Variants in NBPF14 observed in about 807,000 individuals in gnomAD.
NBPF14 encodes NBPF family member NBPF14.
Under a neutral mutation model 91.2 loss-of-function variants are expected in NBPF14, and 104 were observed. That is an observed-to-expected ratio of 1.14 (90% CI 0.97 to 1.34). NBPF14 has a LOEUF of 1.34. Ranked by LOEUF, NBPF14 falls within the 40% of genes most tolerant of loss-of-function variation. The pLI, the probability that NBPF14 is intolerant of heterozygous loss-of-function variation, is 0.00. For synonymous variants in NBPF14, 294 were observed against 303.8 expected (o/e 0.97, Z 0.34); for missense variants, 908 against 783.0 (o/e 1.16, Z -1.91).
chr1:148,585,953 T>C (rs1216748465), intron 9 of NBPF14, among the ~76,000 whole-genome samples: 2 of 150,968 alleles, frequency 1.3e-5, no homozygotes, highest in Non-Finnish European at 3.0e-5. Flanking sequence ...CTGAGCTCTT[T>C]TCACTCTAAC....
intron 13 of NBPF14, among the ~76,000 whole-genome samples, chr1:148,578,840 A>G (rs1660479246): frequency 6.7e-6 from 1 of 149,810 alleles, no homozygotes; most frequent in Admixed American, 6.6e-5. Context: ...CGTGACAGTC[A>G]GTCCAGGTTG....
intron 39 of NBPF14, 59 bp from the exon 40 acceptor site, chr1:148,557,601 G>C (rs1265986307): frequency 5.0e-6 from 3 of 597,046 alleles, no homozygotes; most frequent in South Asian, 1.8e-5. Context: ...ACCCATAACA[G>C]TCCACTGTCT....
intron 34 of NBPF14, among the ~76,000 whole-genome samples, chr1:148,561,912 G>T (rs1657875355): frequency 7.9e-6 from 1 of 127,044 alleles, no homozygotes; most frequent in Non-Finnish European, 1.5e-5. Flanking sequence ...CTGAGTTAGT[G>T]CCCTCAGGAC....
Position 148,572,430 on chromosome 1 carries a change from G to C in NBPF14, c.2758+13C>G. On this transcript the variant is annotated intron_variant, in intron 21 of 70. Coordinates refer to ENST00000619423, the Ensembl canonical transcript of NBPF14. ...CAGGTGGAGGCTTATCACCTTCACA[G>C]TAAGGTACTCACTGTCCACGTCAAG... is the stretch of plus-strand genomic sequence containing the variant. 1 of 475,984 alleles carries C rather than the reference G, an allele frequency of 2.1e-6. No individual in the cohort carries two copies. Among genetic ancestry groups the C allele is most frequent in the Non-Finnish European group, 3.6e-6 (1 of 281,594 alleles). 29.5% of individuals were successfully genotyped at this position (475,984 alleles called of 1,614,324 possible).
At chr1:148,559,612 C>A (rs1358682329) in intron 37 of NBPF14, among the ~76,000 whole-genome samples, 181 bp downstream of exon 37, 4 of 124,842 alleles carry the variant, frequency 3.2e-5, no homozygotes, top group Non-Finnish European at 6.2e-5. Flanking sequence ...GCCTTGCTCA[C>A]TGACCCATCC....
At chr1:148,568,804 T>C (rs1328616665) in intron 25 of NBPF14, among the ~76,000 whole-genome samples, 24 of 122,730 alleles carry the variant, frequency 2.0e-4, no homozygotes, top group African/African-American at 6.7e-4. Context: ...ATGCCATATT[T>C]TTCCAATCGA....
chr1:148,534,491 G>A lies in NBPF14; in HGVS notation c.8614+193C>T, dbSNP rs1654589772. On this transcript the variant is annotated intron_variant, in intron 69 of 70. Transcript: ENST00000619423. ...GGTATGGCCTGAGACTAGGAAGAGA[G>A]TCTTGCTCACTGACCCATTTCATGT... Among the ~76,000 whole-genome samples the A allele has an allele frequency of 3.3e-5, 5 of 151,792 alleles. 1 individual carries two copies. Among genetic ancestry groups the A allele is most frequent in the Admixed American group, 2.6e-4 (4 of 15,114 alleles).
At position 148,579,073 on chromosome 1, in the gene NBPF14, C is replaced by A; in HGVS notation, c.1801+1G>T. 1.9e-6 allele frequency: 1 copy of A among 531,206 alleles called. No individual in the cohort carries two copies. The highest frequency in any genetic ancestry group is 3.3e-6 in the Non-Finnish European group (1 of 303,992). 32.9% of individuals were successfully genotyped at this position (531,206 alleles called of 1,614,324 possible). On this transcript the variant is annotated splice_donor_variant, in intron 13 of 70. Transcript: ENST00000619423. LOFTEE classifies it high-confidence loss of function. Reference sequence around the variant, plus strand: ...TATCACCTTCACAATGGAGTACTCACTGCCTATGTCAACAGCCATGCAGAC... The same window carrying A: ...TATCACCTTCACAATGGAGTACTCAATGCCTATGTCAACAGCCATGCAGAC...
At chr1:148,559,267 G>T (rs1657150516) in intron 37 of NBPF14, among the ~76,000 whole-genome samples, 195 bp from the exon 38 acceptor site, 1 of 110,918 alleles carries the variant, frequency 9.0e-6, no homozygotes, top group Non-Finnish European at 1.6e-5. Flanking sequence ...GAAACTGTGG[G>T]TAAAATTCCC....
intron 28 of NBPF14, among the ~76,000 whole-genome samples, chr1:148,566,549 A>T (rs1290758071): frequency 1.5e-4 from 21 of 144,000 alleles, no homozygotes; most frequent in African/African-American, 4.7e-4. Flanking sequence ...ACAAACACAC[A>T]CACACACACA....
At chr1:148,566,314 G>A in exon 29 of NBPF14, 1 of 744,170 alleles carries the variant, frequency 1.3e-6, no homozygotes, top group Non-Finnish European at 2.4e-6. Context: ...TCCCTGCTGA[G>A]CCTGGAAAAG....
intron 13 of NBPF14, 148 bp downstream of exon 13, chr1:148,578,926 C>A (rs1660501072): frequency 2.9e-6 from 2 of 689,464 alleles, no homozygotes; most frequent in South Asian, 1.5e-5. Flanking sequence ...AGACTTGACT[C>A]CAGAGTGACT....
At chr1:148,535,280 G>C (rs1475756312) in intron 68 of NBPF14, among the ~76,000 whole-genome samples, 173 bp downstream of exon 68, 1 of 150,038 alleles carries the variant, frequency 6.7e-6, no homozygotes, top group Non-Finnish European at 1.5e-5. Context: ...AATGATAAGG[G>C]GAGGAAGAAA....
rs782820131 is a variant in NBPF14, at chr1:148,533,921, T to G, written c.8663A>C (p.Lys2888Thr). 4.0e-6 allele frequency: 3 copies of G among 750,094 alleles called. No individual in the cohort carries two copies. In the South Asian group the frequency reaches 4.1e-5, roughly 10 times the overall value. The allele number at this position is 750,094 out of a possible 1,614,324, so 46.5% of individuals were successfully genotyped here. A position where few individuals can be genotyped will look rare whatever the true frequency, so the allele number is the denominator to read the frequency against. The change falls in exon 70 of 71, where the codon AAG (lysine) becomes ACG (threonine). Residue 2888 changes from lysine (K) to threonine (T), a missense_variant. Physicochemically the swap from Lys to Thr is moderately conservative, Grantham distance 78. Transcript: ENST00000619423. ...TTTTCTTCCCCTTCTTCTTTCCTTCTTTGATCTTCTTCCCCTTCTTTTTTT... is the reference window on the plus strand; with the variant it reads ...TTTTCTTCCCCTTCTTCTTTCCTTCGTTGATCTTCTTCCCCTTCTTTTTTT...
rs1180468441 is a variant in NBPF14 at position 148,560,235 on chromosome 1, G to A, written c.4557-270C>T. On this transcript the variant is annotated intron_variant, in intron 36 of 70. Transcript: ENST00000619423. ...AGTGAATTGGCCAGGTGACATACTG[G>A]TAAGGGAGTCAAAGGACACTCTGAG... 5.0e-4 allele frequency among the ~76,000 whole-genome samples: 75 copies of A among 150,506 alleles called. 2 individuals carry two copies. Among genetic ancestry groups the A allele is most frequent in the African/African-American group, 1.9e-3 (75 of 40,194 alleles).
intron 12 of NBPF14, among the ~76,000 whole-genome samples, chr1:148,581,551 A>T (rs1230828906): frequency 1.3e-5 from 2 of 151,806 alleles, no homozygotes; most frequent in African/African-American, 4.9e-5. Flanking sequence ...TTTTCAACCA[A>T]GAATTTCATA....
chr1:148,566,588 G>A (rs1441953181), intron 28 of NBPF14, among the ~76,000 whole-genome samples: 4 of 142,458 alleles, frequency 2.8e-5, no homozygotes, highest in African/African-American at 1.0e-4. Context: ...TTGTCCAGGT[G>A]ACACACTGAT....
chr1:148,580,957 T>G (rs1227918596), intron 12 of NBPF14, among the ~76,000 whole-genome samples: 1 of 99,204 alleles, frequency 1.0e-5, no homozygotes, highest in Admixed American at 1.1e-4. Context: ...GCTTCACCCA[T>G]TAACTCATCA....
intron 70 of NBPF14, 70 bp downstream of exon 70, chr1:148,533,791 C>G (rs1424710768): frequency 2.0e-5 from 15 of 764,934 alleles, no homozygotes; most frequent in Non-Finnish European, 3.6e-5. Context: ...CAAACACACT[C>G]TGGTTTCCCT....
Sources: allele counts gnomAD v4.1 joint callset (sites outside exome capture counted in the v4.1 genomes callset), GRCh38; gene constraint gnomAD v4.1.1; transcripts MANE v1.5; gene names NCBI Gene and HGNC (gene_info 2026-07-23, HGNC 2026-07-21).